Variants in ASAP1 observed in about 807,000 individuals in gnomAD.
The protein encoded by ASAP1 is arf-GAP with SH3 domain, ANK repeat and PH domain-containing protein 1.
A neutral mutation model predicts 145.2 loss-of-function variants in ASAP1; 43 were observed. The observed-to-expected ratio is 0.30, with a 90% CI of 0.23 to 0.38. The LOEUF is 0.38. Ranked by LOEUF, ASAP1 falls within the 10% of genes least tolerant of loss-of-function variation. ASAP1 has a pLI of 1.00. For synonymous variants in ASAP1, 546 were observed against 515.5 expected (o/e 1.06, Z -0.80); for missense variants, 1,018 against 1,355.3 (o/e 0.75, Z 3.91).
At chr8:130,382,823 G>A (rs1208585739) in intron 2 of ASAP1, among the ~76,000 whole-genome samples, 1 of 151,926 alleles carries the variant, frequency 6.6e-6, no homozygotes, top group Non-Finnish European at 1.5e-5. Flanking sequence ...CTTCAACCTG[G>A]GCGACAGAGC....
intron 2 of ASAP1, among the ~76,000 whole-genome samples, chr8:130,363,739 G>A (rs1180270570): frequency 1.3e-5 from 2 of 152,198 alleles, no homozygotes; most frequent in African/African-American, 2.4e-5. Flanking sequence ...TAAATCCAAT[G>A]CTTTTTCTGC....
chr8:130,186,153 A>C (rs1814713752), intron 7 of ASAP1, among the ~76,000 whole-genome samples: 1 of 151,988 alleles, frequency 6.6e-6, no homozygotes, highest in African/African-American at 2.4e-5. Context: ...AGTACTCATG[A>C]CCCACTTTTC....
At chr8:130,083,967 A>G (rs1319454966) in intron 25 of ASAP1, 1 of 152,046 alleles carries the variant, frequency 6.6e-6, no homozygotes, top group Admixed American at 6.6e-5. Context: ...TAATTTTTGT[A>G]TTTTTAGTGG....
chr8:130,411,407 C>T (rs1232839067), intron 1 of ASAP1, among the ~76,000 whole-genome samples: 2 of 152,172 alleles, frequency 1.3e-5, no homozygotes, highest in Non-Finnish European at 2.9e-5. Context: ...CAGCTCCTTG[C>T]CCCTTGGTTC....
intron 23 of ASAP1, among the ~76,000 whole-genome samples, chr8:130,115,093 T>C (rs764512694): frequency 8.5e-5 from 13 of 152,212 alleles, no homozygotes; most frequent in Non-Finnish European, 1.8e-4. Flanking sequence ...CAGGCTACAG[T>C]GTCCTGGTGT....
At chr8:130,055,290 TA>T (rs931968534) in intron 29 of ASAP1, among the ~76,000 whole-genome samples, 7 of 128,126 alleles carry the variant, frequency 5.5e-5, no homozygotes, top group Non-Finnish European at 9.9e-5. Flanking sequence ...GTGATACATT[TA>T]AAAAAGAAAA....
chr8:130,106,935 T>G (rs911602572), intron 24 of ASAP1, among the ~76,000 whole-genome samples: 2 of 152,178 alleles, frequency 1.3e-5, no homozygotes, highest in African/African-American at 2.4e-5. Flanking sequence ...ACATTTCCAG[T>G]GCCCAGAATG....
chr8:130,217,815 G>A (rs1817030315), intron 4 of ASAP1, among the ~76,000 whole-genome samples: 1 of 152,142 alleles, frequency 6.6e-6, no homozygotes, highest in South Asian at 2.1e-4. Context: ...ACCTCAATAA[G>A]TGCATGGGTG....
intron 29 of ASAP1, 129 bp from the exon 30 acceptor site, chr8:130,054,934 C>T: frequency 1.4e-6 from 1 of 736,550 alleles, no homozygotes; most frequent in Admixed American, 2.0e-5. Context: ...TACCCTTCTT[C>T]CCACCCTTTA....
intron 2 of ASAP1, among the ~76,000 whole-genome samples, chr8:130,377,188 T>C (rs886621271): frequency 2.0e-5 from 3 of 151,664 alleles, no homozygotes; most frequent in Admixed American, 2.0e-4. Flanking sequence ...TGCACAGGCA[T>C]AGGAAGGATA....
chr8:130,127,811 T>C, intron 16 of ASAP1, 116 bp downstream of exon 16: 5 of 1,115,102 alleles, frequency 4.5e-6, no homozygotes, highest in Non-Finnish European at 6.2e-6. Context: ...ACGTGTTTTG[T>C]GTGTGTATGT....
intron 4 of ASAP1, among the ~76,000 whole-genome samples, chr8:130,229,611 A>G (rs1447828555): frequency 6.6e-6 from 1 of 152,230 alleles, no homozygotes; most frequent in Non-Finnish European, 1.5e-5. Context: ...AATGGACTCT[A>G]CCTGGCACAG....
intron 1 of ASAP1, among the ~76,000 whole-genome samples, chr8:130,413,422 T>G (rs1235299558): frequency 6.6e-6 from 1 of 152,226 alleles, no homozygotes; most frequent in Non-Finnish European, 1.5e-5. Context: ...TTAGCATTTC[T>G]GAAACAGGAC....
Position 130,061,030 on chromosome 8 carries a change from G to C in ASAP1, c.2741C>G (p.Ala914Gly). Reference protein sequence around the residue: ...RKTDHLSLDKATIPPEIFQKS... With the variant: ...RKTDHLSLDKGTIPPEIFQKS... ...CTGAAAGATTTCGGGCGGGATGGTG[G>C]CTTTGTCTAGGGAGAGATGATCTGT... The change falls in exon 28 of 30, where the codon GCC (alanine) becomes GGC (glycine). Residue 914 changes from alanine to glycine, a missense_variant. Ala to Gly is a moderately conservative substitution (Grantham distance 60, BLOSUM62 0). This residue lies in a region of ASAP1 where 38 missense variants were observed against 77.2 expected (regional missense o/e 0.49). Transcript: ENST00000518721. The C allele has an allele frequency of 1.9e-6, 3 of 1,543,530 alleles. No individual in the cohort carries two copies. In the South Asian group the frequency reaches 3.9e-5, roughly 20 times the overall value.
chr8:130,419,838 T>C (rs928036570), intron 1 of ASAP1, among the ~76,000 whole-genome samples: 9 of 152,300 alleles, frequency 5.9e-5, no homozygotes, highest in East Asian at 3.9e-4. Flanking sequence ...CAGCCCTCGC[T>C]GTCTCCGGTT....
chr8:130,265,960 A>G (rs1442596831), intron 3 of ASAP1, among the ~76,000 whole-genome samples: 5 of 152,226 alleles, frequency 3.3e-5, no homozygotes. Flanking sequence ...TAACATCCAT[A>G]GTGAGTAAGC....
intron 3 of ASAP1, among the ~76,000 whole-genome samples, chr8:130,305,941 T>C (rs1019883990): frequency 6.6e-6 from 1 of 152,150 alleles, no homozygotes; most frequent in African/African-American, 2.4e-5. Context: ...CTTACTCCTA[T>C]TCATCACTTC....
rs561824153 is a variant in ASAP1, at chr8:130,152,811, G to A, written c.1011-6C>T. 3 of 1,605,388 alleles carry A rather than the reference G, an allele frequency of 1.9e-6. No individual in the cohort carries two copies. Among genetic ancestry groups the A allele is most frequent in the African/African-American group, 2.7e-5 (2 of 74,694 alleles). On this transcript the variant is annotated splice_polypyrimidine_tract_variant and splice_region_variant and intron_variant, in intron 12 of 29. Coordinates refer to ENST00000518721, the MANE Select transcript of ASAP1 (RefSeq NM_018482.4). ...TCTGCCATACTTTCCGGATCCTAAG[G>A]AGGAAGTCAAACACAACTAGATATA...
chr8:130,152,026 T>C (rs2097647533), intron 13 of ASAP1, among the ~76,000 whole-genome samples: 1 of 152,244 alleles, frequency 6.6e-6, no homozygotes, highest in Non-Finnish European at 1.5e-5. Context: ...TGGTACTTCC[T>C]TTCCTCCCTG....
Sources: allele counts gnomAD v4.1 joint callset (sites outside exome capture counted in the v4.1 genomes callset), GRCh38; gene constraint gnomAD v4.1.1; regional missense constraint gnomAD v4.1.1; transcripts MANE v1.5; gene names NCBI Gene and HGNC (gene_info 2026-07-23, HGNC 2026-07-21).